SGCD: variants seen among roughly 807,000 people sequenced by gnomAD.
SGCD encodes the protein sarcoglycan delta, also known as delta-sarcoglycan.
In SGCD, 18 loss-of-function variants were observed where a neutral mutation model predicts 36.6. That is an observed-to-expected ratio of 0.49 (90% CI 0.34 to 0.73). The LOEUF is 0.73. Ranked by LOEUF, SGCD falls within the 30% of genes least tolerant of loss-of-function variation. SGCD has a pLI of 0.01. For missense variants in SGCD, 387 were observed against 346.7 expected (o/e 1.12, Z -0.92); for synonymous variants, 133 against 130.6 (o/e 1.02, Z -0.12).
chr5:156,121,742 G>T (rs1433062605), intron 2 of SGCD, among the ~76,000 whole-genome samples: 1 of 152,110 alleles, frequency 6.6e-6, no homozygotes, highest in Non-Finnish European at 1.5e-5. Context: ...TTCCCTAAAT[G>T]CATCTCTTCC....
chr5:156,068,984 T>G (rs1216065041), intron 1 of SGCD, among the ~76,000 whole-genome samples: 2 of 152,176 alleles, frequency 1.3e-5, no homozygotes, highest in East Asian at 3.8e-4. Context: ...GCTTTTTTCT[T>G]GTAAATTTGT....
chr5:156,237,361 A>G (rs1270359859), intron 3 of SGCD, among the ~76,000 whole-genome samples: 1 of 151,916 alleles, frequency 6.6e-6, no homozygotes, highest in Admixed American at 6.6e-5. Flanking sequence ...GTGGTGCCTC[A>G]TGCCTGTAAT....
intron 7 of SGCD, among the ~76,000 whole-genome samples, chr5:156,707,081 C>T (rs573085883): frequency 4.6e-5 from 7 of 152,262 alleles, no homozygotes; most frequent in African/African-American, 1.4e-4. Context: ...ATTATTCTAT[C>T]ACAGATGCAT....
intron 4 of SGCD, among the ~76,000 whole-genome samples, chr5:156,542,313 C>G (rs1758380455): frequency 6.6e-6 from 1 of 152,106 alleles, no homozygotes; most frequent in Non-Finnish European, 1.5e-5. Context: ...AAAACCCCAC[C>G]ACTCTTTTTG....
At chr5:156,331,359 G>A (rs770591016) in intron 2 of SGCD, among the ~76,000 whole-genome samples, 1 of 152,186 alleles carries the variant, frequency 6.6e-6, no homozygotes, top group Non-Finnish European at 1.5e-5. Context: ...TAGGACTGGG[G>A]AGGAACATGT....
At position 155,975,609 on chromosome 5, in the gene SGCD, C is replaced by CTTTTTTTTTTTTTTTTTTTTTTT. The variant is rs763067309; in HGVS notation, c.-282+105200_-282+105222dup. Reference sequence around the variant, plus strand: ...TGTGTTATTTATTTTTCTTTCTTTCCTTTTTTTTTTTTTTTTTTTTTTTTT... The same window carrying CTTTTTTTTTTTTTTTTTTTTTTT: ...TGTGTTATTTATTTTTCTTTCTTTCCTTTTTTTTTTTTTTTTTTTTTTTTTTTTTTTTTTTTTTTTTTTTTTTT... On this transcript the variant is annotated intron_variant, in intron 1 of 9. Transcript: ENST00000517913. Among the ~76,000 whole-genome samples, 3 of 28,026 alleles carry CTTTTTTTTTTTTTTTTTTTTTTT rather than the reference C, an allele frequency of 1.1e-4. 1 individual carries two copies. Among genetic ancestry groups the CTTTTTTTTTTTTTTTTTTTTTTT allele is most frequent in the Non-Finnish European group, 2.1e-4 (3 of 14,592 alleles). 18.4% of individuals were successfully genotyped at this position (28,026 alleles called of 152,430 possible). A position where few individuals can be genotyped will look rare whatever the true frequency, so the allele number is the denominator to read the frequency against.
intron 3 of SGCD, among the ~76,000 whole-genome samples, chr5:156,463,622 T>C (rs1194187663): frequency 1.3e-5 from 2 of 152,140 alleles, no homozygotes; most frequent in Middle Eastern, 3.2e-3. Context: ...TCTCCTAATA[T>C]CAAGAGCATA....
intron 3 of SGCD, among the ~76,000 whole-genome samples, chr5:156,260,357 T>C (rs1172689848): frequency 6.6e-6 from 1 of 152,168 alleles, no homozygotes; most frequent in Non-Finnish European, 1.5e-5. Context: ...ATCTTGACAA[T>C]ATTGAGTCTT....
At chr5:156,099,345 A>G (rs572686983) in intron 1 of SGCD, among the ~76,000 whole-genome samples, 3 of 152,232 alleles carry the variant, frequency 2.0e-5, no homozygotes, top group Non-Finnish European at 4.4e-5. Flanking sequence ...CCTCTACCCA[A>G]ATGCATTTCC....
intron 6 of SGCD, among the ~76,000 whole-genome samples, chr5:156,646,833 G>A (rs1212751646): frequency 2.0e-5 from 3 of 152,148 alleles, no homozygotes; most frequent in Non-Finnish European, 4.4e-5. Flanking sequence ...AAGTTGTAAA[G>A]ATAAAAGCTT....
At chr5:156,720,687 C>A (rs1446844109) in intron 7 of SGCD, among the ~76,000 whole-genome samples, 2 of 152,140 alleles carry the variant, frequency 1.3e-5, no homozygotes, top group African/African-American at 4.8e-5. Context: ...CAGCAGAGGG[C>A]CTGTACTCTG....
chr5:156,145,668 G>A (rs530264624), intron 3 of SGCD, among the ~76,000 whole-genome samples: 37 of 152,234 alleles, frequency 2.4e-4, no homozygotes, highest in Middle Eastern at 3.4e-3. Flanking sequence ...TTGGTTAAAA[G>A]TATAGAGTCC....
At chr5:156,702,405 G>A (rs757454757) in intron 7 of SGCD, among the ~76,000 whole-genome samples, 42 of 152,040 alleles carry the variant, frequency 2.8e-4, no homozygotes, top group Middle Eastern at 3.4e-3. Context: ...AATTCTACCT[G>A]GGCATCAAGT....
At chr5:156,095,288 G>GAT (rs1360199909) in intron 1 of SGCD, among the ~76,000 whole-genome samples, 3 of 152,132 alleles carry the variant, frequency 2.0e-5, no homozygotes, top group Non-Finnish European at 1.5e-5. Context: ...GCAGGGGAGG[G>GAT]GAGATGGAAA....
chr5:156,340,519 A>G (rs1165179315), intron 2 of SGCD, among the ~76,000 whole-genome samples: 1 of 152,242 alleles, frequency 6.6e-6, no homozygotes, highest in South Asian at 2.1e-4. Context: ...TTCTGCATTC[A>G]AACTATAGGA....
intron 5 of SGCD, 95 bp downstream of exon 5, chr5:156,589,413 T>A (rs1335454746): frequency 2.9e-6 from 2 of 690,496 alleles, no homozygotes; most frequent in East Asian, 5.5e-5. Flanking sequence ...AACCTGAAAA[T>A]AAAGTGTGCT....
chr5:155,793,696 C>T, the SGCD span, among the ~76,000 whole-genome samples: 1 of 151,712 alleles, frequency 6.6e-6, no homozygotes, highest in African/African-American at 2.4e-5. Context: ...CATGCACCAC[C>T]ACGTCTGGCT....
In SGCD at chr5:156,435,170, G is replaced by C. The variant is rs141619974; in HGVS notation, c.193-73431G>C. On this transcript the variant is annotated intron_variant, in intron 3 of 8. Coordinates refer to ENST00000337851, the MANE Select transcript of SGCD (RefSeq NM_000337.6). Reference sequence around the variant, plus strand: ...ACTGTAGGAATAGAAACAGTTCTTAGGGATTATCTAATTCATGCCATTCTA... The same window carrying C: ...ACTGTAGGAATAGAAACAGTTCTTACGGATTATCTAATTCATGCCATTCTA... Among the ~76,000 whole-genome samples the C allele has an allele frequency of 2.1e-4, 32 of 152,278 alleles. 1 individual carries two copies. In the East Asian group the frequency reaches 6.2e-3, roughly 29 times the overall value.
intron 3 of SGCD, among the ~76,000 whole-genome samples, chr5:156,187,528 G>A (rs566502784): frequency 0.016 from 1,540 of 93,356 alleles, 16 homozygotes; most frequent in Middle Eastern, 0.029. Flanking sequence ...CTAGCTGTGT[G>A]ACCTTGGGTG....
Sources: allele counts gnomAD v4.1 joint callset (sites outside exome capture counted in the v4.1 genomes callset), GRCh38; gene constraint gnomAD v4.1.1; transcripts MANE v1.5; gene names NCBI Gene and HGNC (gene_info 2026-07-23, HGNC 2026-07-21).